Variants in SLC34A3 observed in about 807,000 individuals in gnomAD.
SLC34A3 encodes the protein solute carrier family 34 member 3, also known as sodium-dependent phosphate transport protein 2C.
Under a neutral mutation model 43.9 loss-of-function variants are expected in SLC34A3, and 60 were observed. The ratio of observed to expected loss-of-function variants is 1.37; its 90% CI spans 1.11 to 1.70. The LOEUF is 1.70. Among genes scored for constraint, SLC34A3 ranks in the 40% most tolerant of loss-of-function variants. The pLI, the probability that SLC34A3 is intolerant of heterozygous loss-of-function variation, is 0.00. For synonymous variants in SLC34A3, 451 were observed against 386.2 expected (o/e 1.17, Z -1.97); for missense variants, 969 against 823.8 (o/e 1.18, Z -2.16).
rs1297980117 is a variant in SLC34A3, at chr9:137,232,213, G to A, written c.175+52G>A. ...AGGCTGGCAGGCCTCTGTCCCCAAC[G>A]GGACTGGGGAGACAGAGCAGGGTGG... On this transcript the variant is annotated intron_variant, in intron 3 of 12. Transcript: ENST00000673835. The A allele has an allele frequency of 2.5e-5, 38 of 1,541,032 alleles. 1 individual carries two copies. The highest frequency in any genetic ancestry group is 3.0e-5 in the Non-Finnish European group (33 of 1,116,022).
intron 1 of SLC34A3, chr9:137,231,204 GA>G (rs1836192606): frequency 5.6e-6 from 1 of 178,488 alleles, no homozygotes; most frequent in Admixed American, 5.5e-5. Flanking sequence ...CAGGAGCCTT[GA>G]AGTGGTGTGA....
chr9:137,234,383 C>T lies in SLC34A3; in HGVS notation c.1094-33C>T, dbSNP rs752540173. The T allele has an allele frequency of 3.1e-5, 49 of 1,594,428 alleles. No individual in the cohort carries two copies. The highest frequency in any genetic ancestry group is 2.8e-4 in the South Asian group (25 of 90,170). ...GGGGCTACCTGGCCCTCCTTGTGGG[C>T]GCTGGCCAGGGCTGACCCGGCATCC... On this transcript the variant is annotated intron_variant, in intron 10 of 12. Coordinates refer to ENST00000673835, the MANE Select transcript of SLC34A3 (RefSeq NM_001177316.2). This position sits in a 1 kb window ranked among gnomAD's most constrained non-coding sequence, Gnocchi z 6.9.
upstream of SLC34A3, among the ~76,000 whole-genome samples, chr9:137,229,990 CG>C (rs758816636): frequency 1.3e-5 from 2 of 152,102 alleles, no homozygotes; most frequent in African/African-American, 4.8e-5. Context: ...AGGAGGGAGA[CG>C]GAAGAGAATT....
In SLC34A3 at chr9:137,232,658, A is replaced by G; in HGVS notation, c.259A>G (p.Ile87Val). 1 of 1,612,750 alleles carries G rather than the reference A, an allele frequency of 6.2e-7. No individual in the cohort carries two copies. Among genetic ancestry groups the G allele is most frequent in the South Asian group, 1.1e-5 (1 of 91,086 alleles). Residue 87 changes from isoleucine (I) to valine (V), a missense_variant, in exon 4 of 13, where the codon ATC becomes GTC. Ile to Val is a conservative substitution (Grantham distance 29). Transcript: ENST00000673835. ...CGLLGSLYFF[I>V]CSLDVLSSAF... Reference sequence around the variant, plus strand: ...GCTCCTCGGCAGCCTGTACTTCTTCATCTGCTCTCTGGACGTCCTCAGCTC... The same window carrying G: ...GCTCCTCGGCAGCCTGTACTTCTTCGTCTGCTCTCTGGACGTCCTCAGCTC...
upstream of SLC34A3, among the ~76,000 whole-genome samples, chr9:137,230,205 C>T (rs116180779): frequency 0.03 from 4,532 of 152,210 alleles, 101 homozygotes; most frequent in Admixed American, 0.066. Flanking sequence ...GCTGGGACTC[C>T]GCTGGGGAGA....
intron 12 of SLC34A3, among the ~76,000 whole-genome samples, chr9:137,235,381 T>G (rs538707979): frequency 6.6e-6 from 1 of 152,246 alleles, no homozygotes; most frequent in African/African-American, 2.4e-5. Context: ...AAGAGACAAG[T>G]GCGGCACCCC....
chr9:137,231,746 TGGAC>T lies in SLC34A3; in HGVS notation c.46_49del (p.Asp16ArgfsTer4). On this transcript the variant is annotated frameshift_variant, in exon 2 of 13. Coordinates refer to ENST00000673835, the MANE Select transcript of SLC34A3 (RefSeq NM_001177316.2). LOFTEE classifies it high-confidence loss of function. The stretch of plus-strand genomic sequence containing the variant: ...GGCAGCCAGGTCCCCCACCCCACTC[TGGAC>T]GCGGTTGACCTAGTGGAAAAGACTC... 1 of 1,613,158 alleles carries T rather than the reference TGGAC, an allele frequency of 6.2e-7. No homozygotes were observed. Among genetic ancestry groups the T allele is most frequent in the South Asian group, 1.1e-5 (1 of 91,084 alleles).
chr9:137,229,952 C>T (rs1212812682), upstream of SLC34A3, among the ~76,000 whole-genome samples: 2 of 152,114 alleles, frequency 1.3e-5, no homozygotes, highest in Non-Finnish European at 2.9e-5. Context: ...GGAAGGACTG[C>T]TGCCCCCCAC....
upstream of SLC34A3, chr9:137,230,715 G>C (rs1479798680): frequency 6.6e-6 from 1 of 152,270 alleles, no homozygotes; most frequent in African/African-American, 2.4e-5. Flanking sequence ...ACTCCAGGAG[G>C]GTTGGGCTGG....
rs780700801 is a variant in SLC34A3, at chr9:137,232,838, C to T, written c.359C>T (p.Ala120Val). 2 of 1,613,044 alleles carry T rather than the reference C, an allele frequency of 1.2e-6. No homozygotes were observed. The highest frequency in any genetic ancestry group is 1.7e-6 in the Non-Finnish European group (2 of 1,179,944). Reference protein sequence around the residue: ...KDNVVLSNPVAGLVIGVLVTA... With the variant: ...KDNVVLSNPVVGLVIGVLVTA... ...AACGTGGTGCTGTCCAACCCTGTGG[C>T]TGGACTGGTCATTGGCGTGCTGGTC... Residue 120 changes from alanine (A) to valine (V), a missense_variant, in exon 5 of 13, where the codon GCT (alanine) becomes GTT (valine). Physicochemically the swap from Ala to Val is moderately conservative, Grantham distance 64. Transcript: ENST00000673835.
At chr9:137,231,883 G>C in intron 2 of SLC34A3, 96 bp downstream of exon 2, 1 of 1,251,646 alleles carries the variant, frequency 8.0e-7, no homozygotes, top group Non-Finnish European at 1.2e-6. Context: ...CGGGCCTCCC[G>C]GGGAACCCAC....
At position 137,234,273 on chromosome 9, in the gene SLC34A3, G is replaced by T. The variant is rs1836450441; in HGVS notation, c.1090G>T (p.Ala364Ser). 6.2e-7 allele frequency: 1 copy of T among 1,610,554 alleles called. No individual in the cohort carries two copies. Among genetic ancestry groups the T allele is most frequent in the African/African-American group, 1.3e-5 (1 of 74,998 alleles). The change falls in exon 10 of 13, where the codon GCG becomes TCG. Residue 364 changes from alanine (A) to serine (S), a missense_variant. Coordinates refer to ENST00000673835, the MANE Select transcript of SLC34A3 (RefSeq NM_001177316.2). The surrounding 1 kb of genome is among the most constrained non-coding windows in gnomAD (Gnocchi z 6.9). ...VAQVVRTVINADFPFPLGWLG... is the reference protein window; with the variant it reads ...VAQVVRTVINSDFPFPLGWLG... ...CCAGGTCGTGAGGACAGTCATCAAT[G>T]CGGGTGAGGGCGTGGGAGGAGGTGC... is the stretch of plus-strand genomic sequence containing the variant.
Position 137,234,920 on chromosome 9 carries a change from AC to A in SLC34A3, c.1335+192del, listed in dbSNP as rs1836498455. On this transcript the variant is annotated intron_variant, in intron 12 of 12. Transcript: ENST00000673835. The surrounding 1 kb of genome is among the most constrained non-coding windows in gnomAD (Gnocchi z 6.9). ...CCCACAGGTCCTGCACACATTTCAC[AC>A]CCTCCCTGCGTCTCCTCCCTTGAGA... 6.7e-6 allele frequency among the ~76,000 whole-genome samples: 1 copy of A among 150,350 alleles called. No homozygotes were observed. The highest frequency in any genetic ancestry group is 2.5e-5 in the African/African-American group (1 of 40,650).
Position 137,233,847 on chromosome 9 carries a change from TC to T in SLC34A3, c.847-13del, listed in dbSNP as rs1836400608. On this transcript the variant is annotated splice_polypyrimidine_tract_variant and intron_variant, in intron 8 of 12. Coordinates refer to ENST00000673835, the MANE Select transcript of SLC34A3 (RefSeq NM_001177316.2). ...TGCCCACTGAGCCTGTCCTGAGTCC[TC>T]CCTGCCCTCCCCAGACCCAGGAGAA... 1 of 1,471,002 alleles carries T rather than the reference TC, an allele frequency of 6.8e-7. No individual in the cohort carries two copies. The highest frequency in any genetic ancestry group is 9.1e-7 in the Non-Finnish European group (1 of 1,099,446). The allele number at this position is 1,471,002 out of a possible 1,614,324, so 91.1% of individuals were successfully genotyped here. A position where few individuals can be genotyped will look rare whatever the true frequency, so the allele number is the denominator to read the frequency against.
chr9:137,233,779 T>TTGGGCCCCCCCCCCCCCCCCCCACCC, intron 8 of SLC34A3, 57 bp downstream of exon 8: 1 of 1,445,820 alleles, frequency 6.9e-7, no homozygotes, highest in Non-Finnish European at 9.6e-7. Flanking sequence ...TGCTGAGTCA[T>TTGGGCCCCCCCCCCCCCCCCCCACCC]CCCGCCCCAC....
At position 137,232,212 on chromosome 9, in the gene SLC34A3, C is replaced by A. The variant is rs370573888; in HGVS notation, c.175+51C>A. 49 of 1,541,976 alleles carry A rather than the reference C, an allele frequency of 3.2e-5. No homozygotes were observed. The East Asian group carries it at 7.0e-4, about 22-fold the overall frequency. ...CAGGCTGGCAGGCCTCTGTCCCCAA[C>A]GGGACTGGGGAGACAGAGCAGGGTG... On this transcript the variant is annotated intron_variant, in intron 3 of 12. Coordinates refer to ENST00000673835, the MANE Select transcript of SLC34A3 (RefSeq NM_001177316.2).
chr9:137,236,456 GGGAGGGC>G lies in SLC34A3; in HGVS notation c.*41_*47del, dbSNP rs1836604898. ...GCAGACCGCCCCACCCTCCCCGGCT[GGGAGGGC>G]TCTGGAGGGCCCTGGAGGGGGGGTC... On this transcript the variant is annotated 3_prime_UTR_variant, in exon 13 of 13. Transcript: ENST00000673835. The G allele has an allele frequency of 4.6e-6, 7 of 1,519,226 alleles. No homozygotes were observed. Among genetic ancestry groups the G allele is most frequent in the Non-Finnish European group, 6.2e-6 (7 of 1,132,140 alleles). The allele number at this position is 1,519,226 out of a possible 1,614,324, so 94.1% of individuals were successfully genotyped here.
intron 12 of SLC34A3, 54 bp from the exon 13 acceptor site, chr9:137,235,898 C>G: frequency 6.4e-7 from 1 of 1,563,720 alleles, no homozygotes. Flanking sequence ...GTCCGGGGCC[C>G]CTGGTGACCC....
At position 137,236,003 on chromosome 9, in the gene SLC34A3, C is replaced by G. The variant is rs377401538; in HGVS notation, c.1387C>G (p.Leu463Val). Residue 463 changes from leucine to valine, a missense_variant, in exon 13 of 13, where the codon CTG (leucine) becomes GTG (valine). Transcript: ENST00000673835. ...CCTGGCCGGCATCCTGCTGTGGTACCTGGTGCCTGCACTGCGGCTGCCCAT... is the reference window on the plus strand; with the variant it reads ...CCTGGCCGGCATCCTGCTGTGGTACGTGGTGCCTGCACTGCGGCTGCCCAT... ...FNLAGILLWY[L>V]VPALRLPIPL... 2.5e-6 allele frequency: 4 copies of G among 1,612,522 alleles called. No individual in the cohort carries two copies. In the African/African-American group the frequency reaches 5.3e-5, roughly 22 times the overall value.
Sources: allele counts gnomAD v4.1 joint callset (sites outside exome capture counted in the v4.1 genomes callset), GRCh38; gene constraint gnomAD v4.1.1; non-coding constraint Gnocchi (gnomAD v3.1); transcripts MANE v1.5; gene names NCBI Gene and HGNC (gene_info 2026-07-23, HGNC 2026-07-21).